Variants in PRKN observed in about 807,000 individuals in gnomAD.
The protein encoded by PRKN is parkin RBR E3 ubiquitin protein ligase, also known as E3 ubiquitin-protein ligase parkin.
Under a neutral mutation model 59.5 loss-of-function variants are expected in PRKN, and 56 were observed. The ratio of observed to expected loss-of-function variants is 0.94; its 90% CI spans 0.76 to 1.18. PRKN has a LOEUF of 1.18. PRKN is among the 50% of genes most tolerant of loss of function. PRKN has a pLI of 0.00. For synonymous variants in PRKN, 250 were observed against 222.1 expected (o/e 1.13, Z -1.12); for missense variants, 657 against 596.4 (o/e 1.10, Z -1.06).
intron 7 of PRKN, among the ~76,000 whole-genome samples, chr6:161,658,424 T>A (rs908205592): frequency 1.3e-5 from 2 of 152,184 alleles, no homozygotes; most frequent in African/African-American, 4.8e-5. Context: ...GCAAAGTTAA[T>A]CATTTAAAAC....
At chr6:161,928,802 C>G (rs79666783) in intron 6 of PRKN, among the ~76,000 whole-genome samples, 3 of 152,090 alleles carry the variant, frequency 2.0e-5, no homozygotes, top group Non-Finnish European at 2.9e-5. Context: ...GGGCTGAAAT[C>G]TGTTGATTTT....
At chr6:162,666,657 G>C (rs961724249) in intron 1 of PRKN, among the ~76,000 whole-genome samples, 3 of 152,022 alleles carry the variant, frequency 2.0e-5, no homozygotes, top group African/African-American at 7.2e-5. Context: ...AAAAAATGTT[G>C]TACAAACTCC....
intron 2 of PRKN, among the ~76,000 whole-genome samples, chr6:162,384,929 C>T (rs1388581465): frequency 6.6e-6 from 1 of 152,098 alleles, no homozygotes; most frequent in Non-Finnish European, 1.5e-5. Flanking sequence ...AAATACCCTG[C>T]CTTCCCCTCC....
At chr6:161,914,847 C>G (rs1246995653) in intron 6 of PRKN, among the ~76,000 whole-genome samples, 1 of 151,980 alleles carries the variant, frequency 6.6e-6, no homozygotes, top group Admixed American at 6.6e-5. Context: ...TTTCCCTGGT[C>G]TCACCAGCAA....
At chr6:161,412,405 C>T (rs577838387) in intron 9 of PRKN, among the ~76,000 whole-genome samples, 2 of 149,598 alleles carry the variant, frequency 1.3e-5, no homozygotes, top group Non-Finnish European at 3.0e-5. Context: ...CTTTCTCACG[C>T]ATTCCTCCAC....
chr6:161,880,422 T>C (rs977656889), intron 6 of PRKN, among the ~76,000 whole-genome samples: 1 of 152,182 alleles, frequency 6.6e-6, no homozygotes, highest in Non-Finnish European at 1.5e-5. Flanking sequence ...TTTTAGGAAA[T>C]GTAAGTATAT....
chr6:162,268,052 T>C (rs1353593198), intron 2 of PRKN, among the ~76,000 whole-genome samples: 1 of 152,162 alleles, frequency 6.6e-6, no homozygotes, highest in African/African-American at 2.4e-5. Context: ...TTTCAGGAGT[T>C]ATGAAAATAG....
chr6:161,486,240 A>G (rs1053339757), intron 9 of PRKN, among the ~76,000 whole-genome samples: 2 of 83,262 alleles, frequency 2.4e-5, no homozygotes, highest in African/African-American at 9.0e-5. Flanking sequence ...TGTGGCAAAC[A>G]GTTATGTGTT....
At chr6:161,787,514 T>A (rs1790468704) in intron 6 of PRKN, among the ~76,000 whole-genome samples, 1 of 152,208 alleles carries the variant, frequency 6.6e-6, no homozygotes, top group South Asian at 2.1e-4. Flanking sequence ...CTCACAGCTG[T>A]TATGTGAAAA....
At chr6:162,393,186 G>A (rs1311620859) in intron 2 of PRKN, among the ~76,000 whole-genome samples, 1 of 63,858 alleles carries the variant, frequency 1.6e-5, no homozygotes, top group Admixed American at 1.8e-4. Flanking sequence ...TTGAGACAGA[G>A]TCTCGCTCTG....
chr6:161,854,338 T>C (rs1793558190), intron 6 of PRKN, among the ~76,000 whole-genome samples: 1 of 151,716 alleles, frequency 6.6e-6, no homozygotes, highest in South Asian at 2.1e-4. Context: ...AAATAAAAAA[T>C]AACAGAAAAA....
chr6:162,528,297 G>T (rs951925643), intron 1 of PRKN, among the ~76,000 whole-genome samples: 1 of 150,834 alleles, frequency 6.6e-6, no homozygotes, highest in Non-Finnish European at 1.5e-5. Context: ...ACTCCAGCCT[G>T]GGTGAAGTGA....
intron 10 of PRKN, among the ~76,000 whole-genome samples, chr6:161,370,554 T>A (rs1785401340): frequency 7.6e-6 from 1 of 131,376 alleles, no homozygotes; most frequent in Non-Finnish European, 1.5e-5. Context: ...ATCGCGCCAC[T>A]GCACTCCAGC....
chr6:162,370,315 A>AT (rs906248924), intron 2 of PRKN, among the ~76,000 whole-genome samples: 8 of 151,544 alleles, frequency 5.3e-5, no homozygotes, highest in African/African-American at 9.7e-5. Flanking sequence ...GAATTCAGAG[A>AT]TTTTTTTTTA....
In PRKN at chr6:161,497,253, G is replaced by A. The variant is rs1777786551; in HGVS notation, c.1083+51601C>T. Among the ~76,000 whole-genome samples the A allele has an allele frequency of 6.6e-6, 1 of 152,154 alleles. No homozygotes were observed. Among genetic ancestry groups the A allele is most frequent in the African/African-American group, 2.4e-5 (1 of 41,452 alleles). On this transcript the variant is annotated intron_variant, in intron 9 of 11. Coordinates refer to ENST00000366898, the MANE Select transcript of PRKN (RefSeq NM_004562.3). The surrounding 1 kb of genome is among the most constrained non-coding windows in gnomAD (Gnocchi z 4.6). ...CAGGAAGCTCTGCCAAGGAGTGGAA[G>A]GGATTTGTACCTCCTTAGGACAACT...
intron 1 of PRKN, among the ~76,000 whole-genome samples, chr6:162,471,115 TA>T (rs1440245680): frequency 1.4e-5 from 2 of 143,476 alleles, no homozygotes; most frequent in Non-Finnish European, 3.1e-5. Flanking sequence ...TTTATTTATT[TA>T]TTGACAGAGT....
chr6:162,259,629 A>ACTCAAAC (rs1779801275), intron 3 of PRKN, among the ~76,000 whole-genome samples: 1 of 152,260 alleles, frequency 6.6e-6, no homozygotes, highest in Admixed American at 6.5e-5. Flanking sequence ...TTCAGTCTTA[A>ACTCAAAC]CTCAAACCAA....
At chr6:162,668,463 T>G (rs1260196366) in intron 1 of PRKN, among the ~76,000 whole-genome samples, 3 of 152,030 alleles carry the variant, frequency 2.0e-5, no homozygotes, top group Non-Finnish European at 4.4e-5. Flanking sequence ...ACAGAGGACC[T>G]GGGCTATGGC....
chr6:162,153,193 G>T (rs1420890214), intron 4 of PRKN, among the ~76,000 whole-genome samples: 6 of 152,242 alleles, frequency 3.9e-5, no homozygotes, highest in African/African-American at 1.2e-4. Context: ...CCTCACAGGA[G>T]GGAGCGTGCA....
Sources: gnomAD v4.1 joint callset for allele counts (sites outside exome capture counted in the v4.1 genomes callset) on GRCh38, gnomAD v4.1.1 for gene constraint, Gnocchi (gnomAD v3.1) non-coding constraint, MANE v1.5 for transcripts, NCBI Gene and HGNC (gene_info 2026-07-23, HGNC 2026-07-21) for gene names.